MGAT5: variants seen among roughly 807,000 people sequenced by gnomAD.
MGAT5 encodes alpha-1,6-mannosylglycoprotein 6-beta-N-acetylglucosaminyltransferase A.
MGAT5 carries 30 observed loss-of-function variants against 94.3 expected under a neutral mutation model. The observed-to-expected ratio is 0.32, with a 90% CI of 0.24 to 0.43. MGAT5 has a LOEUF of 0.43. Ranked by LOEUF, MGAT5 falls within the 20% of genes least tolerant of loss-of-function variation. The pLI is 1.00. For missense variants in MGAT5, 691 were observed against 905.5 expected (o/e 0.76, Z 3.04); for synonymous variants, 310 against 322.9 (o/e 0.96, Z 0.43).
At chr2:134,228,037 T>C (rs1681156706) in intron 1 of MGAT5, among the ~76,000 whole-genome samples, 1 of 152,146 alleles carries the variant, frequency 6.6e-6, no homozygotes, top group African/African-American at 2.4e-5. Context: ...TACCACAAAA[T>C]GGGACAAATT....
chr2:134,184,311 C>T (rs1688890569), intron 1 of MGAT5, among the ~76,000 whole-genome samples: 1 of 152,214 alleles, frequency 6.6e-6, no homozygotes, highest in Admixed American at 6.5e-5. Flanking sequence ...TTTCAGGCCC[C>T]TGCCCACTTT....
intron 1 of MGAT5, among the ~76,000 whole-genome samples, chr2:134,220,203 G>A (rs1465220593): frequency 6.6e-6 from 1 of 152,088 alleles, no homozygotes; most frequent in East Asian, 1.9e-4. Flanking sequence ...TATGCTCTTC[G>A]ATGGAAAACT....
At chr2:134,401,366 T>A (rs1328850894) in intron 10 of MGAT5, among the ~76,000 whole-genome samples, 2 of 152,160 alleles carry the variant, frequency 1.3e-5, no homozygotes, top group Non-Finnish European at 2.9e-5. Flanking sequence ...GATTCTGAGT[T>A]CCCAAGAGAG....
At chr2:134,347,311 C>T (rs893713692) in intron 8 of MGAT5, among the ~76,000 whole-genome samples, 4 of 152,162 alleles carry the variant, frequency 2.6e-5, no homozygotes, top group Non-Finnish European at 5.9e-5. Flanking sequence ...TTATAAATTT[C>T]TGAGAGACAT....
At chr2:134,437,098 C>G (rs996937915) in intron 14 of MGAT5, among the ~76,000 whole-genome samples, 3 of 152,206 alleles carry the variant, frequency 2.0e-5, no homozygotes, top group Non-Finnish European at 4.4e-5. Context: ...AAGCAATTCT[C>G]CTGTCTTAGC....
chr2:134,235,391 CCATT>C (rs1313340727), intron 1 of MGAT5, among the ~76,000 whole-genome samples: 2 of 152,070 alleles, frequency 1.3e-5, no homozygotes, highest in Non-Finnish European at 2.9e-5. Flanking sequence ...GGGAGGGCTA[CCATT>C]TGTATTTAAA....
chr2:134,404,488 G>C (rs1387486432), intron 11 of MGAT5, among the ~76,000 whole-genome samples: 4 of 152,142 alleles, frequency 2.6e-5, no homozygotes, highest in African/African-American at 9.7e-5. Flanking sequence ...AGTAAACTGG[G>C]GTCAAGTCCT....
intron 2 of MGAT5, among the ~76,000 whole-genome samples, chr2:134,298,772 A>G (rs977389049): frequency 3.9e-5 from 6 of 152,090 alleles, no homozygotes; most frequent in Non-Finnish European, 5.9e-5. Context: ...GGTAGTTCAT[A>G]ATGGTGATGG....
intron 10 of MGAT5, among the ~76,000 whole-genome samples, chr2:134,373,032 T>C (rs1680916393): frequency 6.6e-6 from 1 of 152,242 alleles, no homozygotes. Context: ...TTGTAGCTCT[T>C]AGTAAACACA....
chr2:134,419,466 G>GTGTGTGTA (rs1684167532), intron 12 of MGAT5, among the ~76,000 whole-genome samples: 1 of 151,282 alleles, frequency 6.6e-6, no homozygotes, highest in Admixed American at 6.6e-5. Flanking sequence ...GTGTGTGTGT[G>GTGTGTGTA]TGTGTGTGTG....
intron 10 of MGAT5, among the ~76,000 whole-genome samples, chr2:134,398,731 C>T (rs1024359412): frequency 1.6e-4 from 17 of 109,292 alleles, no homozygotes; most frequent in African/African-American, 4.6e-4. Context: ...TAATGGAATA[C>T]GATTCGGCCA....
chr2:134,151,586 G>C (rs566296983), intron 1 of MGAT5, among the ~76,000 whole-genome samples: 1 of 110,308 alleles, frequency 9.1e-6, no homozygotes, highest in African/African-American at 3.7e-5. Context: ...CCTCACTCAC[G>C]CCCTATGGGA....
intron 5 of MGAT5, 86 bp from the exon 6 acceptor site, chr2:134,338,173 T>C: frequency 8.6e-7 from 1 of 1,161,588 alleles, no homozygotes; most frequent in East Asian, 2.6e-5. Context: ...ACTAACCCTT[T>C]TAAGTTTTCA....
chr2:134,239,161 G>T (rs539794557), intron 1 of MGAT5, among the ~76,000 whole-genome samples: 2 of 152,092 alleles, frequency 1.3e-5, no homozygotes, highest in East Asian at 2.0e-4. Flanking sequence ...ACCACACCTG[G>T]CTAATTTTTT....
chr2:134,312,962 C>T (rs1192535062), intron 2 of MGAT5, among the ~76,000 whole-genome samples: 1 of 151,582 alleles, frequency 6.6e-6, no homozygotes, highest in African/African-American at 2.4e-5. Flanking sequence ...CCTTTGAGAC[C>T]GCCGTACCAA....
intron 1 of MGAT5, among the ~76,000 whole-genome samples, chr2:134,235,497 G>A (rs547257572): frequency 6.6e-6 from 1 of 152,232 alleles, no homozygotes; most frequent in South Asian, 2.1e-4. Context: ...AGAGAGAGAA[G>A]AGCCACAGAG....
chr2:134,281,306 T>A (rs17765325), intron 2 of MGAT5, among the ~76,000 whole-genome samples: 21,052 of 152,164 alleles, frequency 0.14, 1,618 homozygotes, highest in Middle Eastern at 0.34. Context: ...CACTGATGTA[T>A]CTTTTATCCA....
intron 8 of MGAT5, among the ~76,000 whole-genome samples, chr2:134,349,276 TA>T (rs1179345947): frequency 1.3e-5 from 2 of 152,094 alleles, no homozygotes; most frequent in Non-Finnish European, 2.9e-5. Flanking sequence ...ATCAGATATA[TA>T]AAAAAATACC....
At chr2:134,290,805 G>T (rs1236431123) in intron 2 of MGAT5, among the ~76,000 whole-genome samples, 2 of 32,276 alleles carry the variant, frequency 6.2e-5, no homozygotes. Flanking sequence ...TTACAGTTGT[G>T]GTTTAAAAAA....
Sources: gnomAD v4.1 joint callset for allele counts (sites outside exome capture counted in the v4.1 genomes callset) on GRCh38, gnomAD v4.1.1 for gene constraint, MANE v1.5 for transcripts, NCBI Gene and HGNC (gene_info 2026-07-23, HGNC 2026-07-21) for gene names.